The following FMNL1 variants were observed in gnomAD, a reference collection of about 807,000 sequenced individuals.
The protein encoded by FMNL1 is formin like 1, also known as formin-like protein 1.
Under a neutral mutation model 121.3 loss-of-function variants are expected in FMNL1, and 43 were observed. That is an observed-to-expected ratio of 0.35 (90% confidence interval 0.28 to 0.46). The LOEUF (loss-of-function observed/expected upper bound fraction) is 0.46, where lower values mean the gene tolerates loss of function less well. Ranked by LOEUF, FMNL1 falls within the 20% of genes least tolerant of loss-of-function variation. The pLI is 1.00. For synonymous variants in FMNL1, 613 were observed against 613.5 expected (o/e 1.00, Z 0.01); for missense variants, 1,191 against 1,482.4 (o/e 0.80, Z 3.23).
At chr17:45,240,265 C>G in intron 11 of FMNL1, 1 of 389,698 alleles carries the variant, frequency 2.6e-6, no homozygotes, top group Non-Finnish European at 4.4e-6. Context: ...GTGATGGTTG[C>G]ACAACCTTGT....
In FMNL1 at chr17:45,233,501, C is replaced by A. The variant is rs943234826; in HGVS notation, c.402-147C>A. On this transcript the variant is annotated intron_variant, in intron 4 of 26. Coordinates refer to ENST00000331495, the MANE Select transcript of FMNL1 (RefSeq NM_005892.4). The surrounding 1 kb of genome is among the most constrained non-coding windows in gnomAD (Gnocchi z 4.1). The stretch of plus-strand genomic sequence containing the variant: ...CTTGAGGCATGGCTGGGCTGTGGGA[C>A]CCACCTGAGTCTCCCAGAATCCTTT... 2 of 1,038,404 alleles carry A rather than the reference C, an allele frequency of 1.9e-6. No individual in the cohort carries two copies. The highest frequency in any genetic ancestry group is 2.8e-6 in the Non-Finnish European group (2 of 716,652). The allele number at this position is 1,038,404 out of a possible 1,614,324, so 64.3% of individuals were successfully genotyped here. A position where few individuals can be genotyped will look rare whatever the true frequency, so the allele number is the denominator to read the frequency against.
chr17:45,233,412 A>G lies in FMNL1; in HGVS notation c.401+115A>G. ...CCCCTGCACAAGGCTGTGCTTGTGG[A>G]CCACCTCCTGGAGGTGTCCAGGACA... On this transcript the variant is annotated intron_variant, in intron 4 of 26. Transcript: ENST00000331495. This position sits in a 1 kb window ranked among gnomAD's most constrained non-coding sequence, Gnocchi z 4.1. The G allele has an allele frequency of 8.5e-7, 1 of 1,179,094 alleles. No homozygotes were observed. Among genetic ancestry groups the G allele is most frequent in the Non-Finnish European group, 1.2e-6 (1 of 843,316 alleles). 73.0% of individuals were successfully genotyped at this position (1,179,094 alleles called of 1,614,324 possible). A position where few individuals can be genotyped will look rare whatever the true frequency, so the allele number is the denominator to read the frequency against.
chr17:45,228,141 G>A (rs1394299108), intron 1 of FMNL1, among the ~76,000 whole-genome samples: 1 of 152,168 alleles, frequency 6.6e-6, no homozygotes, highest in Non-Finnish European at 1.5e-5. Flanking sequence ...CGAGTGAGTG[G>A]CATCTGATGG....
chr17:45,226,991 TTG>T (rs1459194736), intron 1 of FMNL1, among the ~76,000 whole-genome samples: 1 of 152,248 alleles, frequency 6.6e-6, no homozygotes, highest in African/African-American at 2.4e-5. Flanking sequence ...GTAAAATTGA[TTG>T]TGTTTGGATA....
chr17:45,238,344 G>A (rs1439885541), intron 9 of FMNL1: 1 of 528,334 alleles, frequency 1.9e-6, no homozygotes, highest in African/African-American at 1.9e-5. Flanking sequence ...AAGTGCAAAG[G>A]CCCTGGGGTG....
intron 1 of FMNL1, among the ~76,000 whole-genome samples, chr17:45,224,646 G>A (rs908477217): frequency 6.6e-6 from 1 of 152,206 alleles, no homozygotes; most frequent in Non-Finnish European, 1.5e-5. Flanking sequence ...TGGGTGAGGG[G>A]TGTCCCCACT....
In FMNL1 at chr17:45,241,722, G is replaced by A; in HGVS notation, c.1585+88G>A. 3 of 1,436,450 alleles carry A rather than the reference G, an allele frequency of 2.1e-6. No individual in the cohort carries two copies. The highest frequency in any genetic ancestry group is 2.7e-6 in the Non-Finnish European group (3 of 1,099,308). 89.0% of individuals were successfully genotyped at this position (1,436,450 alleles called of 1,614,324 possible). On this transcript the variant is annotated intron_variant, in intron 14 of 26. Transcript: ENST00000331495. This position sits in a 1 kb window ranked among gnomAD's most constrained non-coding sequence, Gnocchi z 7.0. ...TCTGTGGCGGGCAGAGTTGGGCGAGGGAGGTTTGGATTGTAGGCTCGGCTC... is the reference window on the plus strand; with the variant it reads ...TCTGTGGCGGGCAGAGTTGGGCGAGAGAGGTTTGGATTGTAGGCTCGGCTC...
intron 19 of FMNL1, 40 bp from the exon 20 acceptor site, chr17:45,244,779 G>T (rs115443217): frequency 6.3e-7 from 1 of 1,586,994 alleles, no homozygotes; most frequent in South Asian, 1.1e-5. Context: ...GGTGTCCTCA[G>T]CTCTGGCATT....
rs929657813 is a variant in FMNL1 at position 45,245,050 on chromosome 17, G to C, written c.2670G>C (p.Lys890Asn). The change falls in exon 21 of 27, where the codon AAG becomes AAC. Residue 890 changes from lysine to asparagine, a missense_variant. Around this residue, in one of 4 missense-constraint regions of FMNL1, gnomAD observed 367 missense variants for 528.6 expected, o/e 0.69. Coordinates refer to ENST00000331495, the MANE Select transcript of FMNL1 (RefSeq NM_005892.4). The part of the protein sequence containing the change: ...LHYLVKVIAE[K>N]YPQLTGFHSD... ...ACCTGGTGAAGGTCATTGCTGAGAA[G>C]TACCCGCAACTCACAGGCTTCCACA... The C allele has an allele frequency of 1.4e-5, 22 of 1,614,124 alleles. No homozygotes were observed. Among genetic ancestry groups the C allele is most frequent in the Non-Finnish European group, 1.9e-5 (22 of 1,180,050 alleles).
In FMNL1 at chr17:45,234,504, A is replaced by G. The variant is rs1409475415; in HGVS notation, c.614+304A>G. On this transcript the variant is annotated intron_variant, in intron 6 of 26. Transcript: ENST00000331495. ...ACATGGTGAAACCCCATCTCTACTAAAATACAAAAATTAGCCGGGTGTGGT... is the reference window on the plus strand; with the variant it reads ...ACATGGTGAAACCCCATCTCTACTAGAATACAAAAATTAGCCGGGTGTGGT... The G allele has an allele frequency of 1.1e-5, 4 of 371,470 alleles. No homozygotes were observed. The East Asian group carries it at 2.7e-4, about 25-fold the overall frequency. The allele number at this position is 371,470 out of a possible 1,614,324, so 23.0% of individuals were successfully genotyped here. A position where few individuals can be genotyped will look rare whatever the true frequency, so the allele number is the denominator to read the frequency against.
At chr17:45,234,282 C>T in intron 6 of FMNL1, 82 bp downstream of exon 6, 4 of 1,607,434 alleles carry the variant, frequency 2.5e-6, no homozygotes, top group Non-Finnish European at 3.4e-6. Flanking sequence ...CCACCCCGGG[C>T]CCTTGGGGTT....
chr17:45,222,565 G>A (rs905503406), intron 1 of FMNL1, among the ~76,000 whole-genome samples: 2 of 152,012 alleles, frequency 1.3e-5, no homozygotes, highest in African/African-American at 4.8e-5. Flanking sequence ...GGGGTCCCGG[G>A]TCGCCCCCTT....
In FMNL1 at chr17:45,233,465, C is replaced by T. The variant is rs2043483179; in HGVS notation, c.401+168C>T. Among the ~76,000 whole-genome samples, 4 of 152,234 alleles carry T rather than the reference C, an allele frequency of 2.6e-5. No individual in the cohort carries two copies. The South Asian group carries it at 8.3e-4, about 32-fold the overall frequency. ...TTCCCCTCCCCTTCCTGCCCATGCTCTGACTGGCACCTTGAGGCATGGCTG... is the reference window on the plus strand; with the variant it reads ...TTCCCCTCCCCTTCCTGCCCATGCTTTGACTGGCACCTTGAGGCATGGCTG... On this transcript the variant is annotated intron_variant, in intron 4 of 26. Coordinates refer to ENST00000331495, the MANE Select transcript of FMNL1 (RefSeq NM_005892.4). The surrounding 1 kb of genome is among the most constrained non-coding windows in gnomAD (Gnocchi z 4.1).
Position 45,233,744 on chromosome 17 carries a change from C to T in FMNL1, c.485+13C>T, listed in dbSNP as rs2143369848. On this transcript the variant is annotated intron_variant, in intron 5 of 26. Coordinates refer to ENST00000331495, the MANE Select transcript of FMNL1 (RefSeq NM_005892.4). The surrounding 1 kb of genome is among the most constrained non-coding windows in gnomAD (Gnocchi z 4.1). ...AGTGCTCTGTCACGTAAGCCCCCTG[C>T]TCCCAGCCCTCATGCCGCTCCTCAG... is the stretch of plus-strand genomic sequence containing the variant. 1 of 1,613,654 alleles carries T rather than the reference C, an allele frequency of 6.2e-7. No homozygotes were observed. The highest frequency in any genetic ancestry group is 1.7e-5 in the Admixed American group (1 of 60,000).
intron 1 of FMNL1, among the ~76,000 whole-genome samples, chr17:45,227,211 G>A (rs1045027365): frequency 6.6e-6 from 1 of 152,146 alleles, no homozygotes; most frequent in African/African-American, 2.4e-5. Context: ...AGGGAGAGAT[G>A]GGCAGGTGGA....
Position 45,233,890 on chromosome 17 carries a change from G to T in FMNL1, c.485+159G>T, listed in dbSNP as rs2043494244. 3 of 1,315,010 alleles carry T rather than the reference G, an allele frequency of 2.3e-6. No individual in the cohort carries two copies. Among genetic ancestry groups the T allele is most frequent in the Non-Finnish European group, 3.1e-6 (3 of 969,770 alleles). The allele number at this position is 1,315,010 out of a possible 1,614,324, so 81.5% of individuals were successfully genotyped here. A position where few individuals can be genotyped will look rare whatever the true frequency, so the allele number is the denominator to read the frequency against. On this transcript the variant is annotated intron_variant, in intron 5 of 26. Coordinates refer to ENST00000331495, the MANE Select transcript of FMNL1 (RefSeq NM_005892.4). The surrounding 1 kb of genome is among the most constrained non-coding windows in gnomAD (Gnocchi z 4.1). ...GAGCGATGCTCCTTCCAGAAGGCCTGCCCCCGACAGGGAGGGGTGGCCTCT... is the reference window on the plus strand; with the variant it reads ...GAGCGATGCTCCTTCCAGAAGGCCTTCCCCCGACAGGGAGGGGTGGCCTCT...
intron 6 of FMNL1, chr17:45,234,402 T>C: frequency 1.2e-6 from 1 of 813,300 alleles, no homozygotes; most frequent in Non-Finnish European, 1.9e-6. Context: ...CTGTGGCTCA[T>C]GCCTGTAATC....
chr17:45,235,126 T>C (rs926141234), intron 6 of FMNL1, among the ~76,000 whole-genome samples: 1 of 152,252 alleles, frequency 6.6e-6, no homozygotes, highest in African/African-American at 2.4e-5. Context: ...CATGCAATTA[T>C]GCATTCAGCA....
At chr17:45,226,086 G>A (rs897912327) in intron 1 of FMNL1, among the ~76,000 whole-genome samples, 1 of 152,126 alleles carries the variant, frequency 6.6e-6, no homozygotes. Context: ...AGGTTACTGT[G>A]CACTCCCCAG....
Sources: allele counts gnomAD v4.1 joint callset (sites outside exome capture counted in the v4.1 genomes callset), GRCh38; gene constraint gnomAD v4.1.1; regional missense constraint gnomAD v4.1.1; non-coding constraint Gnocchi (gnomAD v3.1); transcripts MANE v1.5; gene names NCBI Gene and HGNC (gene_info 2026-07-23, HGNC 2026-07-21).